CACNA1D: variants seen among roughly 807,000 people sequenced by gnomAD.
CACNA1D encodes the protein calcium voltage-gated channel subunit alpha1 D.
In CACNA1D, 55 loss-of-function variants were observed where a neutral mutation model predicts 257.1. That is an observed-to-expected ratio of 0.21 (90% CI 0.17 to 0.27). CACNA1D has a LOEUF of 0.27. Ranked by LOEUF, CACNA1D falls within the 10% of genes least tolerant of loss-of-function variation. The probability of loss-of-function intolerance (pLI) is 1.00; values close to 1 mark genes in which losing one functional copy is unlikely to be tolerated. For synonymous variants in CACNA1D, 980 were observed against 1,014.9 expected, an observed-to-expected ratio of 0.97 and a Z score of 0.65; for missense variants, 1,876 against 2,784.0, an observed-to-expected ratio of 0.67 and a Z score of 7.34.
chr3:53,727,411 G>C (rs1409221961), intron 15 of CACNA1D, among the ~76,000 whole-genome samples: 1 of 152,186 alleles, frequency 6.6e-6, no homozygotes, highest in Non-Finnish European at 1.5e-5. Flanking sequence ...TGACTGATGA[G>C]AGCCATCTTT....
At chr3:53,551,981 T>G (rs778513577) in intron 3 of CACNA1D, among the ~76,000 whole-genome samples, 1 of 152,196 alleles carries the variant, frequency 6.6e-6, no homozygotes, top group Non-Finnish European at 1.5e-5. Context: ...GGTGGTATTT[T>G]CAGTCTTGTC....
intron 8 of CACNA1D, among the ~76,000 whole-genome samples, chr3:53,694,841 C>A (rs888652342): frequency 2.6e-5 from 4 of 152,020 alleles, no homozygotes; most frequent in African/African-American, 4.8e-5. Flanking sequence ...GGACCCTGGG[C>A]GATGCAGTCA....
At chr3:53,720,411 A>G (rs778229149) in intron 11 of CACNA1D, among the ~76,000 whole-genome samples, 7 of 152,238 alleles carry the variant, frequency 4.6e-5, no homozygotes, top group Non-Finnish European at 7.3e-5. Flanking sequence ...AAACAAACAG[A>G]TAAATTGGTC....
intron 39 of CACNA1D, chr3:53,786,238 T>A (rs1213975310): frequency 6.3e-6 from 1 of 157,650 alleles, no homozygotes; most frequent in Admixed American, 6.1e-5. Flanking sequence ...CTGTTCAGAA[T>A]TACAAACCAA....
chr3:53,566,082 T>C (rs571413548), intron 3 of CACNA1D, among the ~76,000 whole-genome samples: 1 of 152,346 alleles, frequency 6.6e-6, no homozygotes, highest in South Asian at 2.1e-4. Context: ...AAGTGAAGAA[T>C]GATTAGGTAC....
chr3:53,796,518 G>C (rs1027471491), intron 40 of CACNA1D: 6 of 398,008 alleles, frequency 1.5e-5, no homozygotes, highest in Non-Finnish European at 2.1e-5. Context: ...CAAAAGCATT[G>C]CAAATGCATC....
intron 20 of CACNA1D, among the ~76,000 whole-genome samples, chr3:53,739,125 G>A (rs752502465): frequency 6.6e-5 from 10 of 152,292 alleles, no homozygotes; most frequent in Non-Finnish European, 1.3e-4. Flanking sequence ...GCCCCCAGGC[G>A]ACTCCTCTAC....
At chr3:53,539,492 G>T (rs1559810702) in intron 3 of CACNA1D, among the ~76,000 whole-genome samples, 1 of 152,188 alleles carries the variant, frequency 6.6e-6, no homozygotes, top group African/African-American at 2.4e-5. Flanking sequence ...TACTCCATTG[G>T]ATGAGTAGAC....
chr3:53,643,845 G>A (rs564944039), intron 3 of CACNA1D, among the ~76,000 whole-genome samples: 3 of 152,212 alleles, frequency 2.0e-5, no homozygotes, highest in African/African-American at 7.2e-5. Context: ...GCTTGCCTTC[G>A]TGCAGGCTCC....
intron 3 of CACNA1D, among the ~76,000 whole-genome samples, chr3:53,616,171 G>A (rs189387894): frequency 2.6e-5 from 4 of 152,266 alleles, no homozygotes; most frequent in African/African-American, 9.6e-5. Flanking sequence ...GAATGCTAAG[G>A]GCTGTGCACG....
At chr3:53,529,959 G>A (rs1490257535) in intron 3 of CACNA1D, among the ~76,000 whole-genome samples, 1 of 152,010 alleles carries the variant, frequency 6.6e-6, no homozygotes, top group Non-Finnish European at 1.5e-5. Flanking sequence ...AAATTCATGG[G>A]TCAGCTAGTA....
intron 14 of CACNA1D, among the ~76,000 whole-genome samples, chr3:53,724,465 A>T (rs1484159832): frequency 6.6e-6 from 1 of 152,184 alleles, no homozygotes; most frequent in Non-Finnish European, 1.5e-5. Flanking sequence ...TGTGGCAGCC[A>T]TTGGTCCCTT....
At chr3:53,508,390 G>A (rs1020368026) in intron 3 of CACNA1D, among the ~76,000 whole-genome samples, 9 of 151,918 alleles carry the variant, frequency 5.9e-5, no homozygotes, top group African/African-American at 1.9e-4. Flanking sequence ...AACACAAGTC[G>A]CACAGGTTTG....
At chr3:53,742,170 A>G (rs1216233530) in intron 21 of CACNA1D, among the ~76,000 whole-genome samples, 1 of 152,224 alleles carries the variant, frequency 6.6e-6, no homozygotes, top group Non-Finnish European at 1.5e-5. Context: ...TAGGTCAAAA[A>G]GGGTTGAACA....
intron 29 of CACNA1D, among the ~76,000 whole-genome samples, chr3:53,755,871 A>T (rs952942496): frequency 1.3e-5 from 2 of 152,146 alleles, no homozygotes; most frequent in African/African-American, 2.4e-5. Context: ...TTCACAAAGA[A>T]GCCAGGGAGG....
intron 8 of CACNA1D, among the ~76,000 whole-genome samples, chr3:53,675,981 G>A (rs1013458527): frequency 6.6e-6 from 1 of 152,194 alleles, no homozygotes; most frequent in Non-Finnish European, 1.5e-5. Context: ...TGTCTGCAAA[G>A]CACAGCCTCG....
chr3:53,767,348 T>A (rs2095338983), intron 30 of CACNA1D, among the ~76,000 whole-genome samples: 1 of 152,080 alleles, frequency 6.6e-6, no homozygotes, highest in Admixed American at 6.5e-5. Flanking sequence ...GCAGATCACC[T>A]GAGGTCAGGA....
intron 3 of CACNA1D, among the ~76,000 whole-genome samples, chr3:53,511,280 T>C (rs1270495224): frequency 6.6e-6 from 1 of 152,192 alleles, no homozygotes; most frequent in Non-Finnish European, 1.5e-5. Flanking sequence ...CAAAGTCTAC[T>C]TGCCAGGGTG....
chr3:53,737,175 C>CT (rs937205380), intron 20 of CACNA1D, among the ~76,000 whole-genome samples: 1 of 151,618 alleles, frequency 6.6e-6, no homozygotes, highest in Non-Finnish European at 1.5e-5. Flanking sequence ...TGGTGCACGC[C>CT]TGTAGTCCCG....
Sources: allele counts gnomAD v4.1 joint callset (sites outside exome capture counted in the v4.1 genomes callset), GRCh38; gene constraint gnomAD v4.1.1; transcripts MANE v1.5; gene names NCBI Gene and HGNC (gene_info 2026-07-23, HGNC 2026-07-21).